The following CILP variants were observed in gnomAD, a reference collection of about 807,000 sequenced individuals.
CILP encodes cartilage intermediate layer protein 1.
In CILP, 75 loss-of-function variants were observed where a neutral mutation model predicts 82.5. That is an observed-to-expected ratio of 0.91 (90% CI 0.75 to 1.10). The LOEUF is 1.10. Ranked by LOEUF, CILP falls within the 50% of genes least tolerant of loss-of-function variation. The pLI is 0.00. For missense variants in CILP, 1,479 were observed against 1,530.8 expected, an observed-to-expected ratio of 0.97 and a Z score of 0.56; for synonymous variants, 530 against 580.3, an observed-to-expected ratio of 0.91 and a Z score of 1.25.
chr15:65,200,360 A>T (rs1199401046), intron 8 of CILP, among the ~76,000 whole-genome samples: 1 of 152,196 alleles, frequency 6.6e-6, no homozygotes, highest in African/African-American at 2.4e-5. Context: ...TGTCCAGAGT[A>T]CTGTGTGTCT....
chr15:65,207,880 T>C, intron 2 of CILP, 116 bp from the exon 3 acceptor site: 1 of 805,934 alleles, frequency 1.2e-6, no homozygotes, highest in Non-Finnish European at 2.1e-6. Flanking sequence ...AGGCATGGGT[T>C]CAAACCCCAC....
At position 65,198,287 on chromosome 15, in the gene CILP, C is replaced by A; in HGVS notation, c.1999G>T (p.Glu667Ter). The change falls in exon 9 of 9, where the codon GAG (glutamate) becomes TAG (stop). Residue 667 changes from glutamate (E) to a stop codon, truncating the protein, a stop_gained. Transcript: ENST00000261883. LOFTEE classifies it high-confidence loss of function. ...GCATTAAGTGGCTCTGAGGTGACCTCATCTCTGAAGTCCACAGAGAACATG... is the reference window on the plus strand; with the variant it reads ...GCATTAAGTGGCTCTGAGGTGACCTAATCTCTGAAGTCCACAGAGAACATG... ...YGMFSVDFRDEVTSEPLNAGK... is the reference protein window; with the variant it reads ...YGMFSVDFRD 6.2e-7 allele frequency: 1 copy of A among 1,614,262 alleles called. No homozygotes were observed. Among genetic ancestry groups the A allele is most frequent in the Middle Eastern group, 1.6e-4 (1 of 6,062 alleles).
At chr15:65,205,570 A>G in intron 4 of CILP, 104 bp from the exon 5 acceptor site, 9 of 1,146,592 alleles carry the variant, frequency 7.8e-6, no homozygotes, top group South Asian at 1.6e-5. Context: ...CAAGGTTTCC[A>G]TTTATGTCGT....
intron 8 of CILP, among the ~76,000 whole-genome samples, chr15:65,201,598 G>A (rs1177002384): frequency 6.6e-6 from 1 of 151,838 alleles, no homozygotes; most frequent in African/African-American, 2.4e-5. Context: ...ATGTGGTGGT[G>A]CACGCCTGTA....
chr15:65,203,235 C>G lies in CILP; in HGVS notation c.1028+127G>C. The G allele has an allele frequency of 4.5e-6, 3 of 666,888 alleles. 1 individual carries two copies. In the South Asian group the frequency reaches 6.0e-5, roughly 13 times the overall value. The allele number at this position is 666,888 out of a possible 1,614,324, so 41.3% of individuals were successfully genotyped here. ...ATTTGTAAGTCCCAACATCCGGGCT[C>G]TGTACCACTGTCTTACTTGTAACTT... On this transcript the variant is annotated intron_variant, in intron 7 of 8. Coordinates refer to ENST00000261883, the MANE Select transcript of CILP (RefSeq NM_003613.4).
chr15:65,203,878 G>T (rs746538909), intron 6 of CILP, among the ~76,000 whole-genome samples: 1 of 152,200 alleles, frequency 6.6e-6, no homozygotes, highest in Non-Finnish European at 1.5e-5. Flanking sequence ...CCTGCAAACC[G>T]CACACTATAT....
rs1275224612 is a variant in CILP, at chr15:65,198,065, G to A, written c.2221C>T (p.Leu741Phe). 1.2e-6 allele frequency: 2 copies of A among 1,614,214 alleles called. No individual in the cohort carries two copies. The highest frequency in any genetic ancestry group is 2.2e-5 in the South Asian group (2 of 91,088). ...CTTTCAGGAACATCCAGGTTAAAGA[G>A]CCTCCTCTCACGAATCTCCAGGTTG... is the stretch of plus-strand genomic sequence containing the variant. ...VGNLEIRERR[L>F]FNLDVPESRR... The change falls in exon 9 of 9, where the codon CTC (leucine) becomes TTC (phenylalanine). Residue 741 changes from leucine (L) to phenylalanine (F), a missense_variant. Transcript: ENST00000261883.
Position 65,198,597 on chromosome 15 carries a change from G to T in CILP, c.1689C>A (p.Ala563=). 1 of 1,614,206 alleles carries T rather than the reference G, an allele frequency of 6.2e-7. No individual in the cohort carries two copies. The highest frequency in any genetic ancestry group is 1.1e-5 in the South Asian group (1 of 91,086). ...KVLPFNKKGS[A]VFHEIKMLRR... is the part of the protein sequence containing the mutation. ...GAAGCATCTTGATTTCATGGAACAC[G>T]GCACTCCCCTTCTTGTTGAAAGGTA... is the stretch of plus-strand genomic sequence containing the variant. The change falls in exon 9 of 9, where the codon GCC becomes GCA. Residue 563 remains alanine (A), a synonymous_variant. Transcript: ENST00000261883.
chr15:65,201,816 G>T, intron 8 of CILP, 56 bp downstream of exon 8: 1 of 1,309,248 alleles, frequency 7.6e-7, no homozygotes, highest in African/African-American at 1.5e-5. Context: ...GCCCACCTGG[G>T]TGCTCAGCCA....
At position 65,201,883 on chromosome 15, in the gene CILP, A is replaced by G. The variant is rs757426664; in HGVS notation, c.1175T>C (p.Leu392Pro). ...AGAVKSKVAQ[L>P]IVIASDETPC... The stretch of plus-strand genomic sequence containing the variant: ...CCAGACAGGCTTACCTATGACAATC[A>G]GCTGGGCAACCTTGGACTTCACAGC... Residue 392 changes from leucine to proline, a missense_variant, in exon 8 of 9, where the codon CTG becomes CCG. Physicochemically the swap from Leu to Pro is moderately conservative, Grantham distance 98. Transcript: ENST00000261883. 9 of 1,552,358 alleles carry G rather than the reference A, an allele frequency of 5.8e-6. No individual in the cohort carries two copies. In the African/African-American group the frequency reaches 9.7e-5, roughly 17 times the overall value.
chr15:65,197,504 G>C lies in CILP; in HGVS notation c.2782C>G (p.Pro928Ala). 1 of 1,614,238 alleles carries C rather than the reference G, an allele frequency of 6.2e-7. No homozygotes were observed. The highest frequency in any genetic ancestry group is 8.5e-7 in the Non-Finnish European group (1 of 1,180,046). ...EGDRYDYNTVPFNEDDPMSWT... is the reference protein window; with the variant it reads ...EGDRYDYNTVAFNEDDPMSWT... ...CTCATAGGGTCATCTTCGTTGAAGG[G>C]GACTGTGTTGTAGTCATATCGATCC... Residue 928 changes from proline to alanine, a missense_variant, in exon 9 of 9, where the codon CCC becomes GCC. Pro to Ala is a conservative substitution (Grantham distance 27, BLOSUM62 -1). Transcript: ENST00000261883.
In CILP at chr15:65,198,401, G is replaced by A. The variant is rs776406887; in HGVS notation, c.1885C>T (p.Pro629Ser). 2.5e-6 allele frequency: 4 copies of A among 1,614,202 alleles called. No individual in the cohort carries two copies. The highest frequency in any genetic ancestry group is 1.3e-5 in the African/African-American group (1 of 75,028). Reference sequence around the variant, plus strand: ...GCTGTGGCTGTGGAAATATTCCGGGGATCCAGGAAGGTCACACTGGCCTTC... The same window carrying A: ...GCTGTGGCTGTGGAAATATTCCGGGAATCCAGGAAGGTCACACTGGCCTTC... Reference protein sequence around the residue: ...KVKASVTFLDPRNISTATAAQ... With the variant: ...KVKASVTFLDSRNISTATAAQ... The change falls in exon 9 of 9, where the codon CCC becomes TCC. Residue 629 changes from proline to serine, a missense_variant. Transcript: ENST00000261883.
At chr15:65,209,054 G>A (rs1195839286) in intron 2 of CILP, among the ~76,000 whole-genome samples, 1 of 109,850 alleles carries the variant, frequency 9.1e-6, no homozygotes, top group Non-Finnish European at 1.7e-5. Flanking sequence ...CTTTACCTGA[G>A]TATGTGCTTA....
intron 8 of CILP, among the ~76,000 whole-genome samples, chr15:65,201,293 C>T (rs1414179188): frequency 6.6e-6 from 1 of 152,146 alleles, no homozygotes; most frequent in Non-Finnish European, 1.5e-5. Context: ...TGAGCCGCCA[C>T]ACCTGGCCTT....
intron 2 of CILP, among the ~76,000 whole-genome samples, chr15:65,208,418 G>A (rs2088543087): frequency 6.6e-6 from 1 of 152,166 alleles, no homozygotes; most frequent in African/African-American, 2.4e-5. Context: ...GTATTGTGGG[G>A]ATTAAATAAG....
chr15:65,198,793 G>A lies in CILP; in HGVS notation c.1493C>T (p.Ala498Val). The A allele has an allele frequency of 1.2e-6, 2 of 1,614,174 alleles. No homozygotes were observed. The highest frequency in any genetic ancestry group is 1.7e-6 in the Non-Finnish European group (2 of 1,180,032). Residue 498 changes from alanine to valine, a missense_variant, in exon 9 of 9, where the codon GCT (alanine) becomes GTT (valine). Physicochemically the swap from Ala to Val is moderately conservative, Grantham distance 64. Coordinates refer to ENST00000261883, the MANE Select transcript of CILP (RefSeq NM_003613.4). ...TRSIVRGRVS[A>V]ADNGEPMRFG... ...GCGCATGGGCTCCCCATTGTCAGCA[G>A]CACTGACACGGCCCCGCACGATGCT...
rs775100754 is a variant in CILP at position 65,198,833 on chromosome 15, A to G, written c.1453T>C (p.Cys485Arg). 1 of 1,614,134 alleles carries G rather than the reference A, an allele frequency of 6.2e-7. No homozygotes were observed. The highest frequency in any genetic ancestry group is 8.5e-7 in the Non-Finnish European group (1 of 1,180,034). Residue 485 changes from cysteine to arginine, a missense_variant, in exon 9 of 9, where the codon TGT (cysteine) becomes CGT (arginine). Cys to Arg is a radical substitution (Grantham distance 180). Coordinates refer to ENST00000261883, the MANE Select transcript of CILP (RefSeq NM_003613.4). The part of the protein sequence containing the change: ...KVAKECSCQR[C>R]TETRSIVRGR... ...CGCACGATGCTCCGAGTTTCCGTAC[A>G]CCGCTGGCAGCTGCACTCCTTGGCC...
rs2088493755 is a variant in CILP, at chr15:65,204,369, C to T, written c.818G>A (p.Ser273Asn). ...RIPGLCPDGK[S>N]ILKITKVKFA... is the part of the protein sequence containing the mutation. ...CTTGACCTTTGTGATCTTCAGGATG[C>T]TTTTGCCATCAGGGCACAAGCCAGG... The change falls in exon 6 of 9, where the codon AGC becomes AAC. Residue 273 changes from serine (S) to asparagine (N), a missense_variant. By Grantham distance (46) the Ser-to-Asn change is conservative (BLOSUM62 1). Transcript: ENST00000261883. 1.2e-6 allele frequency: 2 copies of T among 1,614,230 alleles called. No homozygotes were observed. Among genetic ancestry groups the T allele is most frequent in the East Asian group, 4.5e-5 (2 of 44,884 alleles).
Position 65,209,737 on chromosome 15 carries a change from A to T in CILP, c.19T>A (p.Trp7Arg). The T allele has an allele frequency of 6.2e-7, 1 of 1,614,122 alleles. No individual in the cohort carries two copies. Among genetic ancestry groups the T allele is most frequent in the Non-Finnish European group, 8.5e-7 (1 of 1,180,018 alleles). Residue 7 changes from tryptophan to arginine, a missense_variant, in exon 2 of 9, where the codon TGG becomes AGG. Trp to Arg is a moderately radical substitution (Grantham distance 101). Transcript: ENST00000261883. ...TCCAGGACCAGGAAGGAGAACACCC[A>T]GGCCTTGGTCCCCACCATCTTTCCC... MVGTKA[W>R]VFSFLVLEVT...
Sources: gnomAD v4.1 joint callset for allele counts (sites outside exome capture counted in the v4.1 genomes callset) on GRCh38, gnomAD v4.1.1 for gene constraint, MANE v1.5 for transcripts, NCBI Gene and HGNC (gene_info 2026-07-23, HGNC 2026-07-21) for gene names.